Variants in ANKIB1 observed in about 807,000 individuals in gnomAD.
The protein encoded by ANKIB1 is ankyrin repeat and IBR domain-containing protein 1.
A neutral mutation model predicts 122.1 loss-of-function variants in ANKIB1; 43 were observed. The observed-to-expected ratio is 0.35, with a 90% CI of 0.28 to 0.45. ANKIB1 has a LOEUF of 0.45. Among genes scored for constraint, ANKIB1 ranks in the 20% least tolerant of loss-of-function variants. ANKIB1 has a pLI of 1.00. For missense variants in ANKIB1, 992 were observed against 1,329.5 expected (o/e 0.75, Z 3.95); for synonymous variants, 390 against 442.0 (o/e 0.88, Z 1.48).
At chr7:92,252,311 A>T (rs1801344335) in intron 1 of ANKIB1, among the ~76,000 whole-genome samples, 1 of 151,730 alleles carries the variant, frequency 6.6e-6, no homozygotes, top group South Asian at 2.1e-4. Context: ...AACCACTCTT[A>T]TGATGATTGC....
chr7:92,371,747 G>A, intron 11 of ANKIB1, 140 bp downstream of exon 11: 1 of 967,302 alleles, frequency 1.0e-6, no homozygotes, highest in South Asian at 1.9e-5. Flanking sequence ...GGAGGTTGAG[G>A]CAGGAGGATC....
chr7:92,246,785 C>A (rs1220326932), intron 1 of ANKIB1, among the ~76,000 whole-genome samples: 1 of 152,208 alleles, frequency 6.6e-6, no homozygotes, highest in Non-Finnish European at 1.5e-5. Context: ...CTCCTTGTCC[C>A]TCTGTCCTCA....
intron 4 of ANKIB1, among the ~76,000 whole-genome samples, chr7:92,323,000 T>C (rs1475966242): frequency 6.6e-6 from 1 of 152,194 alleles, no homozygotes. Context: ...CTTAATGAGT[T>C]AATATATGTA....
chr7:92,253,363 A>G (rs1302218751), intron 1 of ANKIB1, among the ~76,000 whole-genome samples: 1 of 152,168 alleles, frequency 6.6e-6, no homozygotes, highest in African/African-American at 2.4e-5. Flanking sequence ...TCATTAACTG[A>G]GGGGCCTGCT....
intron 5 of ANKIB1, among the ~76,000 whole-genome samples, chr7:92,331,431 C>G (rs370969291): frequency 1.3e-5 from 2 of 152,004 alleles, no homozygotes; most frequent in African/African-American, 2.4e-5. Flanking sequence ...CCATGCCTGG[C>G]TAATTTTTGT....
At position 92,294,808 on chromosome 7, in the gene ANKIB1, T is replaced by G. The variant is rs117795543; in HGVS notation, c.-90-81T>G. On this transcript the variant is annotated intron_variant, in intron 1 of 19. Transcript: ENST00000265742. ...CCCTTATCGATGATTCCCAGATTTT[T>G]TTTAGTGTTCCTAATTGTGTTATTG... The G allele has an allele frequency of 6.3e-4, 328 of 516,770 alleles. 3 individuals are homozygous for G. The East Asian group carries it at 9.9e-3, about 16-fold the overall frequency. The allele number at this position is 516,770 out of a possible 1,614,324, so 32.0% of individuals were successfully genotyped here.
intron 5 of ANKIB1, among the ~76,000 whole-genome samples, chr7:92,334,726 A>C (rs757615346): frequency 1.7e-4 from 26 of 151,998 alleles, no homozygotes; most frequent in Non-Finnish European, 3.1e-4. Context: ...TAATCTACAT[A>C]TGATATTTTA....
At chr7:92,276,032 TAAA>T (rs1424552176) in intron 1 of ANKIB1, among the ~76,000 whole-genome samples, 1 of 152,188 alleles carries the variant, frequency 6.6e-6, no homozygotes, top group Non-Finnish European at 1.5e-5. Flanking sequence ...CTATATATAA[TAAA>T]AAAGTTTTGC....
At position 92,343,104 on chromosome 7, in the gene ANKIB1, A is replaced by G. The variant is rs751054587; in HGVS notation, c.868A>G (p.Thr290Ala). 13 of 1,613,684 alleles carry G rather than the reference A, an allele frequency of 8.1e-6. No individual in the cohort carries two copies. Among genetic ancestry groups the G allele is most frequent in the South Asian group, 6.6e-5 (6 of 91,080 alleles). Residue 290 changes from threonine to alanine, a missense_variant, in exon 6 of 20, where the codon ACT (threonine) becomes GCT (alanine). This residue lies in a region of ANKIB1 where 521 missense variants were observed against 777.7 expected (regional missense o/e 0.67). Coordinates refer to ENST00000265742, the MANE Select transcript of ANKIB1 (RefSeq NM_019004.2). Reference sequence around the variant, plus strand: ...CCAACGATCAGGTGTTCAAATGCCAACTCCACCACCAAGTGGGTATAATGC... The same window carrying G: ...CCAACGATCAGGTGTTCAAATGCCAGCTCCACCACCAAGTGGGTATAATGC... The part of the protein sequence containing the change: ...CCQRSGVQMP[T>A]PPPSGYNAWD...
chr7:92,302,520 T>A (rs1270156922), intron 2 of ANKIB1, among the ~76,000 whole-genome samples: 1 of 152,160 alleles, frequency 6.6e-6, no homozygotes, highest in East Asian at 1.9e-4. Flanking sequence ...GGAAACTAAA[T>A]CCATACTCAC....
At chr7:92,290,304 G>GTTCTCTACTGGCTAAAGC (rs1802218113) in intron 1 of ANKIB1, among the ~76,000 whole-genome samples, 1 of 151,870 alleles carries the variant, frequency 6.6e-6, no homozygotes, top group Non-Finnish European at 1.5e-5. Flanking sequence ...TTTAGTTGTA[G>GTTCTCTACTGGCTAAAGC]ATTTAAGGTT....
intron 1 of ANKIB1, among the ~76,000 whole-genome samples, chr7:92,252,416 T>C (rs1801346754): frequency 6.7e-6 from 1 of 149,770 alleles, no homozygotes; most frequent in Non-Finnish European, 1.5e-5. Context: ...AGACAGAGTC[T>C]TGCTCTGCTG....
At chr7:92,365,941 A>G (rs1385638901) in intron 10 of ANKIB1, among the ~76,000 whole-genome samples, 1 of 151,086 alleles carries the variant, frequency 6.6e-6, no homozygotes, top group Non-Finnish European at 1.5e-5. Flanking sequence ...GGCTACAGGC[A>G]CCTGCCACCA....
chr7:92,391,447 C>T, intron 16 of ANKIB1, 103 bp downstream of exon 16: 3 of 1,059,674 alleles, frequency 2.8e-6, no homozygotes, highest in Non-Finnish European at 2.5e-6. Flanking sequence ...AAATTATTTA[C>T]ACCTAAAATA....
intron 5 of ANKIB1, among the ~76,000 whole-genome samples, chr7:92,329,093 G>A (rs1803098237): frequency 6.6e-6 from 1 of 150,952 alleles, no homozygotes; most frequent in Non-Finnish European, 1.5e-5. Context: ...TCAGCCTCCT[G>A]AGTAGCTGGG....
At chr7:92,380,066 T>G (rs1373257890) in intron 11 of ANKIB1, among the ~76,000 whole-genome samples, 1 of 152,212 alleles carries the variant, frequency 6.6e-6, no homozygotes, top group Non-Finnish European at 1.5e-5. Context: ...TCCAACAGTC[T>G]TAGCAAATGG....
At chr7:92,248,415 T>C (rs1801245733) in intron 1 of ANKIB1, among the ~76,000 whole-genome samples, 2 of 152,240 alleles carry the variant, frequency 1.3e-5, no homozygotes, top group Non-Finnish European at 2.9e-5. Context: ...TTCTTTCCTC[T>C]TTCTTTTCTG....
rs76729539 is a variant in ANKIB1 at position 92,389,066 on chromosome 7, A to G, written c.1907-905A>G. ...TGTGCCTGACCCTTAACAACATTCA[A>G]TATTTGTAGATGTGAATTATTGCTT... On this transcript the variant is annotated intron_variant, in intron 14 of 19. Transcript: ENST00000265742. Among the ~76,000 whole-genome samples the G allele has an allele frequency of 3.6e-4, 55 of 152,260 alleles. No homozygotes were observed. The East Asian group carries it at 9.4e-3, about 26-fold the overall frequency.
chr7:92,312,849 A>AATT (rs912614825), intron 3 of ANKIB1, among the ~76,000 whole-genome samples: 12 of 152,258 alleles, frequency 7.9e-5, no homozygotes, highest in Admixed American at 5.9e-4. Flanking sequence ...GTCTGACAAA[A>AATT]ATTTAATAAA....
Sources: gnomAD v4.1 joint callset for allele counts (sites outside exome capture counted in the v4.1 genomes callset) on GRCh38, gnomAD v4.1.1 for gene constraint, gnomAD v4.1.1 regional missense constraint, MANE v1.5 for transcripts, NCBI Gene and HGNC (gene_info 2026-07-23, HGNC 2026-07-21) for gene names.